The following ELAPOR1 variants were observed in gnomAD, a reference collection of about 807,000 sequenced individuals.
The protein encoded by ELAPOR1 is endosome/lysosome-associated apoptosis and autophagy regulator 1.
Under a neutral mutation model 119.7 loss-of-function variants are expected in ELAPOR1, and 77 were observed. The ratio of observed to expected loss-of-function variants is 0.64; its 90% CI spans 0.54 to 0.78. ELAPOR1 has a LOEUF of 0.78. ELAPOR1 is among the 30% of genes least tolerant of loss of function. ELAPOR1 has a pLI of 0.00. For synonymous variants in ELAPOR1, 481 were observed against 487.2 expected (o/e 0.99, Z 0.17); for missense variants, 1,115 against 1,270.4 (o/e 0.88, Z 1.86).
intron 7 of ELAPOR1, among the ~76,000 whole-genome samples, chr1:109,183,594 T>TTCCCTCCCTCCC (rs748531929): frequency 0.19 from 23,015 of 122,958 alleles, 4,309 homozygotes; most frequent in East Asian, 0.45. Flanking sequence ...CCTTCCTTCC[T>TTCCCTCCCTCCC]TCCTTCCTTC....
At position 109,154,340 on chromosome 1, in the gene ELAPOR1, C is replaced by T. The variant is rs145813804; in HGVS notation, c.154-7554C>T. ...AAAGATGGAAGTAAGGACAGATTTCCATATCAGTACCCGTACAAAATAATA... is the reference window on the plus strand; with the variant it reads ...AAAGATGGAAGTAAGGACAGATTTCTATATCAGTACCCGTACAAAATAATA... On this transcript the variant is annotated intron_variant, in intron 1 of 21. Coordinates refer to ENST00000369939, the MANE Select transcript of ELAPOR1 (RefSeq NM_020775.5). 2.0e-3 allele frequency among the ~76,000 whole-genome samples: 301 copies of T among 150,546 alleles called. 1 individual carries two copies. The highest frequency in any genetic ancestry group is 6.9e-3 in the African/African-American group (285 of 41,036).
At position 109,204,522 on chromosome 1, in the gene ELAPOR1, C is replaced by G. The variant is rs1003982857; in HGVS notation, c.*1510C>G. 1 of 152,188 alleles carries G rather than the reference C, an allele frequency of 6.6e-6. No homozygotes were observed. The highest frequency in any genetic ancestry group is 1.5e-5 in the Non-Finnish European group (1 of 68,060). The allele number at this position is 152,188 out of a possible 1,614,324, so 9.4% of individuals were successfully genotyped here. ...GTGCCCCCGTCCTAGAAGTTTGGGC[C>G]ATATTATGGAACAGGGGTCTCTTAT... On this transcript the variant is annotated 3_prime_UTR_variant, in exon 22 of 22. Transcript: ENST00000369939.
At chr1:109,136,593 A>G (rs983009091) in intron 1 of ELAPOR1, among the ~76,000 whole-genome samples, 2 of 152,226 alleles carry the variant, frequency 1.3e-5, no homozygotes, top group African/African-American at 2.4e-5. Context: ...CCTCGCGAAC[A>G]GGGCACATTG....
At chr1:109,139,654 A>G (rs146765950) in intron 1 of ELAPOR1, among the ~76,000 whole-genome samples, 4,053 of 152,326 alleles carry the variant, frequency 0.027, 141 homozygotes, top group South Asian at 0.096. Context: ...TAAAAGAAAA[A>G]AAGAAGCTAG....
intron 1 of ELAPOR1, among the ~76,000 whole-genome samples, chr1:109,154,098 A>G (rs1650707864): frequency 6.6e-6 from 1 of 151,402 alleles, no homozygotes; most frequent in Non-Finnish European, 1.5e-5. Flanking sequence ...CCTGACCAAC[A>G]TGGAGAAACC....
In ELAPOR1 at chr1:109,200,886, T is replaced by A; in HGVS notation, c.2959T>A (p.Ser987Thr). 1 of 1,614,004 alleles carries A rather than the reference T, an allele frequency of 6.2e-7. No individual in the cohort carries two copies. Among genetic ancestry groups the A allele is most frequent in the East Asian group, 2.2e-5 (1 of 44,884 alleles). Residue 987 changes from serine to threonine, a missense_variant, in exon 21 of 22, where the codon TCA becomes ACA. Transcript: ENST00000369939. Reference protein sequence around the residue: ...SKKSLFGKIKSFTSKRTPDGF... With the variant: ...SKKSLFGKIKTFTSKRTPDGF... Reference sequence around the variant, plus strand: ...GAAGTCACTCTTTGGGAAGATCAAATCATTTACCTCCAAGGTAGGGGTCCT... The same window carrying A: ...GAAGTCACTCTTTGGGAAGATCAAAACATTTACCTCCAAGGTAGGGGTCCT...
intron 1 of ELAPOR1, among the ~76,000 whole-genome samples, chr1:109,120,332 G>T (rs976552532): frequency 6.6e-6 from 1 of 152,058 alleles, no homozygotes; most frequent in African/African-American, 2.4e-5. Context: ...AGGAGGCAGA[G>T]GTTGCAGCAA....
intron 1 of ELAPOR1, among the ~76,000 whole-genome samples, chr1:109,149,203 T>G (rs1650374213): frequency 6.6e-6 from 1 of 152,074 alleles, no homozygotes; most frequent in African/African-American, 2.4e-5. Flanking sequence ...CTGAGGATTA[T>G]CACATCTAGG....
chr1:109,205,945 T>C lies in ELAPOR1; in HGVS notation c.*2933T>C, dbSNP rs1005060704. ...TATTACACAATTCACCTTTAAAACA[T>C]ACGATTCAATGGTTTTCAGCAAACT... On this transcript the variant is annotated 3_prime_UTR_variant, in exon 22 of 22. Transcript: ENST00000369939. The C allele has an allele frequency of 1.3e-5, 2 of 152,210 alleles. No individual in the cohort carries two copies. The highest frequency in any genetic ancestry group is 4.1e-4 in the South Asian group (2 of 4,836). The allele number at this position is 152,210 out of a possible 1,614,324, so 9.4% of individuals were successfully genotyped here. A position where few individuals can be genotyped will look rare whatever the true frequency, so the allele number is the denominator to read the frequency against.
chr1:109,128,401 A>T (rs996491489), intron 1 of ELAPOR1, among the ~76,000 whole-genome samples: 21 of 152,196 alleles, frequency 1.4e-4, no homozygotes, highest in African/African-American at 5.1e-4. Context: ...AAATTGGCTA[A>T]TTTTGTGCTT....
chr1:109,204,586 A>T lies in ELAPOR1; in HGVS notation c.*1574A>T, dbSNP rs1338670306. 6.6e-6 allele frequency: 1 copy of T among 152,292 alleles called. No homozygotes were observed. The highest frequency in any genetic ancestry group is 1.5e-5 in the Non-Finnish European group (1 of 68,084). The allele number at this position is 152,292 out of a possible 1,614,324, so 9.4% of individuals were successfully genotyped here. On this transcript the variant is annotated 3_prime_UTR_variant, in exon 22 of 22. Transcript: ENST00000369939. ...AAGGAGGCCAAGATTTTAATGGGGC[A>T]CTTTAGGGGATACAGCCCACAATGG... is the stretch of plus-strand genomic sequence containing the variant.
rs764258114 is a variant in ELAPOR1, at chr1:109,189,573, T to A, written c.1349-19T>A. On this transcript the variant is annotated intron_variant, in intron 10 of 21. Transcript: ENST00000369939. ...GCACCCAAGAGCACAAGGCATTAAC[T>A]CTCCTCTTTCCTTTTCAGGCTGGGA... 6.2e-7 allele frequency: 1 copy of A among 1,610,808 alleles called. No homozygotes were observed. The highest frequency in any genetic ancestry group is 1.7e-5 in the Admixed American group (1 of 60,004).
Position 109,191,700 on chromosome 1 carries a change from G to C in ELAPOR1, c.1546-26G>C, listed in dbSNP as rs201268610. 5.0e-6 allele frequency: 8 copies of C among 1,613,430 alleles called. No individual in the cohort carries two copies. The Middle Eastern group carries it at 1.2e-3, about 233-fold the overall frequency. The stretch of plus-strand genomic sequence containing the variant: ...CACTTCCCCTCTGGCCATCGCACCC[G>C]CTTCACTTGTCTGTCCTGGGTTCAG... On this transcript the variant is annotated intron_variant, in intron 12 of 21. Coordinates refer to ENST00000369939, the MANE Select transcript of ELAPOR1 (RefSeq NM_020775.5).
chr1:109,119,901 T>C (rs958964488), intron 1 of ELAPOR1, among the ~76,000 whole-genome samples: 17 of 152,320 alleles, frequency 1.1e-4, no homozygotes, highest in African/African-American at 3.8e-4. Context: ...CAAATTGTTT[T>C]CTGAAGTGAG....
At chr1:109,149,557 G>A (rs1411533578) in intron 1 of ELAPOR1, among the ~76,000 whole-genome samples, 2 of 152,140 alleles carry the variant, frequency 1.3e-5, no homozygotes, top group African/African-American at 4.8e-5. Context: ...CAGCTCCCGA[G>A]CTGTTCTAGG....
chr1:109,149,120 G>T (rs1410920771), intron 1 of ELAPOR1, among the ~76,000 whole-genome samples: 1 of 152,176 alleles, frequency 6.6e-6, no homozygotes, highest in East Asian at 1.9e-4. Flanking sequence ...TGTATGAGAA[G>T]ACTGGGATTA....
intron 1 of ELAPOR1, among the ~76,000 whole-genome samples, chr1:109,144,033 TTATATATA>T (rs1265476565): frequency 1.1e-5 from 1 of 91,830 alleles, no homozygotes; most frequent in Admixed American, 1.2e-4. Flanking sequence ...TTTTCTAAAA[TTATATATA>T]TATATATATA....
At position 109,200,837 on chromosome 1, in the gene ELAPOR1, G is replaced by A. The variant is rs758471598; in HGVS notation, c.2910G>A (p.Glu970=). The stretch of plus-strand genomic sequence containing the variant: ...CCATCATGGAAGGCGAGGATGTAGA[G>A]GACGACCTCATCTTTACCAGCAAGA... The part of the protein sequence containing the change: ...SCAIMEGEDV[E]DDLIFTSKKS... Residue 970 remains glutamate, a synonymous_variant, in exon 21 of 22, where the codon GAG becomes GAA. Transcript: ENST00000369939. 6.2e-7 allele frequency: 1 copy of A among 1,614,240 alleles called. No individual in the cohort carries two copies. Among genetic ancestry groups the A allele is most frequent in the Non-Finnish European group, 8.5e-7 (1 of 1,180,042 alleles).
At chr1:109,134,452 G>A (rs1191204275) in intron 1 of ELAPOR1, among the ~76,000 whole-genome samples, 2 of 151,936 alleles carry the variant, frequency 1.3e-5, no homozygotes, top group Non-Finnish European at 2.9e-5. Flanking sequence ...GCTCTCTTCC[G>A]CCACCAAGAC....
Sources: gnomAD v4.1 joint callset for allele counts (sites outside exome capture counted in the v4.1 genomes callset) on GRCh38, gnomAD v4.1.1 for gene constraint, MANE v1.5 for transcripts, NCBI Gene and HGNC (gene_info 2026-07-23, HGNC 2026-07-21) for gene names.